The following CNTN5 variants were observed in gnomAD, a reference collection of about 807,000 sequenced individuals.
The protein encoded by CNTN5 is contactin 5, also known as contactin-5.
In CNTN5, 77 loss-of-function variants were observed where a neutral mutation model predicts 129.1. The observed-to-expected ratio is 0.60, with a 90% CI of 0.50 to 0.72. CNTN5 has a LOEUF of 0.72. CNTN5 is among the 30% of genes least tolerant of loss of function. CNTN5 has a pLI of 0.00. For synonymous variants in CNTN5, 509 were observed against 465.6 expected, an observed-to-expected ratio of 1.09 and a Z score of -1.20; for missense variants, 1,478 against 1,328.8, an observed-to-expected ratio of 1.11 and a Z score of -1.75.
intron 9 of CNTN5, among the ~76,000 whole-genome samples, chr11:100,021,107 C>T (rs1277554690): frequency 6.6e-6 from 1 of 152,020 alleles, no homozygotes; most frequent in East Asian, 1.9e-4. Flanking sequence ...TGTTATTTAG[C>T]TTCCAAATAT....
At chr11:100,287,313 A>G (rs1322794314) in intron 18 of CNTN5, among the ~76,000 whole-genome samples, 8 of 151,506 alleles carry the variant, frequency 5.3e-5, no homozygotes, top group Non-Finnish European at 4.4e-5. Flanking sequence ...TGTCAGATTC[A>G]CCAAAGTTGA....
chr11:99,997,805 C>T (rs1272043677), intron 8 of CNTN5, among the ~76,000 whole-genome samples: 4 of 152,108 alleles, frequency 2.6e-5, no homozygotes, highest in African/African-American at 7.2e-5. Flanking sequence ...AGCTTATCCA[C>T]CATGATCAAG....
intron 21 of CNTN5, chr11:100,337,001 A>G: frequency 3.7e-6 from 3 of 810,348 alleles, no homozygotes; most frequent in Middle Eastern, 3.6e-4. Context: ...TTGAACCCAC[A>G]CACATCTCAG....
intron 13 of CNTN5, among the ~76,000 whole-genome samples, chr11:100,132,567 G>T (rs533942890): frequency 6.6e-6 from 1 of 152,256 alleles, no homozygotes; most frequent in South Asian, 2.1e-4. Flanking sequence ...GAGATATCAT[G>T]GATTGGTCCA....
At chr11:99,730,768 A>G (rs1037411701) in intron 3 of CNTN5, among the ~76,000 whole-genome samples, 2 of 152,218 alleles carry the variant, frequency 1.3e-5, no homozygotes, top group African/African-American at 2.4e-5. Context: ...TAGGATATCT[A>G]TCACCTCAAA....
chr11:100,219,605 G>C (rs1949219098), intron 15 of CNTN5, among the ~76,000 whole-genome samples: 1 of 152,050 alleles, frequency 6.6e-6, no homozygotes, highest in Non-Finnish European at 1.5e-5. Flanking sequence ...AAATAGAACT[G>C]TTTCTGCATT....
intron 21 of CNTN5, among the ~76,000 whole-genome samples, chr11:100,324,422 G>A (rs2138969474): frequency 6.6e-6 from 1 of 152,256 alleles, no homozygotes; most frequent in African/African-American, 2.4e-5. Flanking sequence ...GGGAAGTGGG[G>A]CATGGTTGCA....
intron 1 of CNTN5, among the ~76,000 whole-genome samples, chr11:99,062,587 G>C (rs1396279860): frequency 6.6e-6 from 1 of 152,114 alleles, no homozygotes; most frequent in African/African-American, 2.4e-5. Flanking sequence ...AGGATAATAA[G>C]GGTAGAGTGA....
At chr11:100,256,367 T>G (rs1294451200) in intron 17 of CNTN5, among the ~76,000 whole-genome samples, 1 of 152,168 alleles carries the variant, frequency 6.6e-6, no homozygotes, top group Non-Finnish European at 1.5e-5. Context: ...TTATATGAGA[T>G]TCTATGAAAT....
intron 2 of CNTN5, among the ~76,000 whole-genome samples, chr11:99,483,053 G>T (rs888807995): frequency 6.6e-6 from 1 of 151,748 alleles, no homozygotes; most frequent in Non-Finnish European, 1.5e-5. Context: ...GCCCGTGCCA[G>T]TAGTCCCAGC....
At chr11:99,582,403 T>A (rs1239761398) in intron 3 of CNTN5, among the ~76,000 whole-genome samples, 2 of 152,236 alleles carry the variant, frequency 1.3e-5, no homozygotes, top group Non-Finnish European at 2.9e-5. Context: ...TTCTCCTGGA[T>A]AATATCCTGC....
intron 2 of CNTN5, among the ~76,000 whole-genome samples, chr11:99,484,277 A>T (rs918507956): frequency 5.3e-5 from 8 of 152,202 alleles, no homozygotes; most frequent in Non-Finnish European, 1.0e-4. Flanking sequence ...TATGAAAAAA[A>T]AGCTCAACAA....
intron 1 of CNTN5, among the ~76,000 whole-genome samples, chr11:99,223,427 A>C (rs1165151752): frequency 6.6e-6 from 1 of 152,164 alleles, no homozygotes; most frequent in Non-Finnish European, 1.5e-5. Flanking sequence ...AAAATTTGAA[A>C]AATAGTAGGG....
At chr11:99,172,145 AGTTCT>A (rs921346474) in intron 1 of CNTN5, among the ~76,000 whole-genome samples, 2 of 152,196 alleles carry the variant, frequency 1.3e-5, no homozygotes, top group African/African-American at 4.8e-5. Context: ...TAACCGTTGC[AGTTCT>A]GCCTCTGTGG....
intron 3 of CNTN5, among the ~76,000 whole-genome samples, chr11:99,637,791 A>G (rs1951619905): frequency 6.6e-6 from 1 of 151,466 alleles, no homozygotes; most frequent in South Asian, 2.1e-4. Context: ...TATATATAAT[A>G]TTATCTACAT....
At chr11:100,141,300 T>C (rs1198285724) in intron 13 of CNTN5, among the ~76,000 whole-genome samples, 1 of 151,988 alleles carries the variant, frequency 6.6e-6, no homozygotes, top group Non-Finnish European at 1.5e-5. Context: ...ATTAGCCCAA[T>C]CCTGAGGGTT....
chr11:99,852,978 A>G (rs1354583071), intron 6 of CNTN5, among the ~76,000 whole-genome samples: 2 of 152,214 alleles, frequency 1.3e-5, no homozygotes, highest in Non-Finnish European at 2.9e-5. Flanking sequence ...ATAGCAACAT[A>G]TCATGATAAA....
At chr11:100,043,720 C>T (rs984450400) in intron 9 of CNTN5, among the ~76,000 whole-genome samples, 1 of 152,112 alleles carries the variant, frequency 6.6e-6, no homozygotes, top group African/African-American at 2.4e-5. Context: ...AAGCTCACCT[C>T]ACATGTCATC....
At chr11:100,015,109 C>A (rs1270805642) in intron 9 of CNTN5, among the ~76,000 whole-genome samples, 1 of 152,056 alleles carries the variant, frequency 6.6e-6, no homozygotes, top group Non-Finnish European at 1.5e-5. Context: ...TGAATTAAGT[C>A]ATTTATCAAT....
Sources: allele counts gnomAD v4.1 joint callset (sites outside exome capture counted in the v4.1 genomes callset), GRCh38; gene constraint gnomAD v4.1.1; transcripts MANE v1.5; gene names NCBI Gene and HGNC (gene_info 2026-07-23, HGNC 2026-07-21).